SH3GLB1: variants seen among roughly 807,000 people sequenced by gnomAD.
The protein encoded by SH3GLB1 is endophilin-B1.
Under a neutral mutation model 42.0 loss-of-function variants are expected in SH3GLB1, and 17 were observed. The ratio of observed to expected loss-of-function variants is 0.40; its 90% CI spans 0.28 to 0.61. SH3GLB1 has a LOEUF of 0.61. Ranked by LOEUF, SH3GLB1 falls within the 20% of genes least tolerant of loss-of-function variation. The probability of loss-of-function intolerance (pLI) is 0.36; values close to 1 mark genes in which losing one functional copy is unlikely to be tolerated. For missense variants in SH3GLB1, 355 were observed against 426.3 expected (o/e 0.83, Z 1.47); for synonymous variants, 132 against 146.6 (o/e 0.90, Z 0.72).
chr1:86,733,416 C>T (rs1206271362), intron 5 of SH3GLB1, among the ~76,000 whole-genome samples: 2 of 152,038 alleles, frequency 1.3e-5, no homozygotes, highest in African/African-American at 2.4e-5. Flanking sequence ...AAGTTCATAC[C>T]TTGTTGGGTT....
At chr1:86,719,792 G>A (rs1393881089) in intron 3 of SH3GLB1, among the ~76,000 whole-genome samples, 157 bp downstream of exon 3, 4 of 151,890 alleles carry the variant, frequency 2.6e-5, no homozygotes, top group Non-Finnish European at 2.9e-5. Context: ...TCAGGAGATC[G>A]AGACTATCCT....
chr1:86,707,550 A>G (rs975142347), intron 1 of SH3GLB1, among the ~76,000 whole-genome samples: 2 of 152,124 alleles, frequency 1.3e-5, no homozygotes, highest in African/African-American at 4.8e-5. Context: ...TAGGAGAAAC[A>G]GACTTCTTTA....
intron 2 of SH3GLB1, among the ~76,000 whole-genome samples, chr1:86,718,233 A>T (rs1232914100): frequency 6.6e-6 from 1 of 151,366 alleles, no homozygotes. Flanking sequence ...TTTAGTAGAG[A>T]CGGGGTTTCA....
rs772065688 is a variant in SH3GLB1 at position 86,743,095 on chromosome 1, G to A, written c.991-33G>A. 81 of 1,494,806 alleles carry A rather than the reference G, an allele frequency of 5.4e-5. No individual in the cohort carries two copies. The South Asian group carries it at 9.3e-4, about 17-fold the overall frequency. The allele number at this position is 1,494,806 out of a possible 1,614,324, so 92.6% of individuals were successfully genotyped here. On this transcript the variant is annotated intron_variant, in intron 8 of 8. Coordinates refer to ENST00000370558, the MANE Select transcript of SH3GLB1 (RefSeq NM_016009.5). ...TTTTCTACTTGTTTATTTTTTTAAT[G>A]TAGTTAATAACTGGAAGTATTTTAT...
At chr1:86,718,757 G>A (rs939940175) in intron 2 of SH3GLB1, among the ~76,000 whole-genome samples, 52 of 152,100 alleles carry the variant, frequency 3.4e-4, no homozygotes, top group African/African-American at 1.2e-3. Flanking sequence ...AATATCTTTG[G>A]TCTTAAGCAT....
intron 1 of SH3GLB1, among the ~76,000 whole-genome samples, chr1:86,714,409 A>G (rs1365740574): frequency 6.6e-6 from 1 of 152,178 alleles, no homozygotes; most frequent in Non-Finnish European, 1.5e-5. Context: ...TGTAACTGCT[A>G]TTTTTGGTTC....
At chr1:86,723,786 G>A (rs1031510407) in intron 4 of SH3GLB1, among the ~76,000 whole-genome samples, 13 of 152,190 alleles carry the variant, frequency 8.5e-5, no homozygotes, top group South Asian at 8.3e-4. Context: ...GACACCAGGC[G>A]TCAAGGAACC....
chr1:86,724,884 A>ATATATATATATATATATATAT (rs1436043734), intron 5 of SH3GLB1, among the ~76,000 whole-genome samples: 3 of 104,306 alleles, frequency 2.9e-5, no homozygotes, highest in African/African-American at 1.5e-4. Flanking sequence ...TAAAAAAAAA[A>ATATATATATATATATATATAT]AAAAAAAAAT....
chr1:86,717,171 A>T (rs1330520244), intron 2 of SH3GLB1, among the ~76,000 whole-genome samples: 1 of 152,170 alleles, frequency 6.6e-6, no homozygotes, highest in Non-Finnish European at 1.5e-5. Flanking sequence ...GTGAGTCCTA[A>T]TGTCTTTGGA....
intron 1 of SH3GLB1, among the ~76,000 whole-genome samples, chr1:86,707,325 C>G (rs893999635): frequency 6.6e-6 from 1 of 152,120 alleles, no homozygotes; most frequent in African/African-American, 2.4e-5. Context: ...GGAAGAAGTA[C>G]AAAGACTGAA....
chr1:86,734,745 G>A (rs549834655), intron 6 of SH3GLB1, 54 bp downstream of exon 6: 3 of 1,349,446 alleles, frequency 2.2e-6, no homozygotes, highest in East Asian at 4.7e-5. Flanking sequence ...GTAGTCCTAA[G>A]GCAATTTTGG....
At chr1:86,735,646 G>A (rs1461205315) in intron 7 of SH3GLB1, among the ~76,000 whole-genome samples, 2 of 152,160 alleles carry the variant, frequency 1.3e-5, no homozygotes, top group Non-Finnish European at 2.9e-5. Flanking sequence ...CAAAATGACA[G>A]TATGTAAAAC....
intron 1 of SH3GLB1, among the ~76,000 whole-genome samples, chr1:86,708,321 A>G (rs147904484): frequency 6.6e-6 from 1 of 152,208 alleles, no homozygotes; most frequent in African/African-American, 2.4e-5. Flanking sequence ...CTTTATAAGC[A>G]GTAAGAACAG....
At position 86,743,491 on chromosome 1, in the gene SH3GLB1, C is replaced by G. The variant is rs1430065433; in HGVS notation, c.*256C>G. On this transcript the variant is annotated 3_prime_UTR_variant, in exon 9 of 9. Coordinates refer to ENST00000370558, the MANE Select transcript of SH3GLB1 (RefSeq NM_016009.5). Reference sequence around the variant, plus strand: ...AGGTTTCACTAATAAGCAGCTTCTACTTTTGAGCCTCAACTTAAAGCAGAA... The same window carrying G: ...AGGTTTCACTAATAAGCAGCTTCTAGTTTTGAGCCTCAACTTAAAGCAGAA... 4 of 248,484 alleles carry G rather than the reference C, an allele frequency of 1.6e-5. No individual in the cohort carries two copies. Among genetic ancestry groups the G allele is most frequent in the Non-Finnish European group, 3.1e-5 (4 of 130,500 alleles). The allele number at this position is 248,484 out of a possible 1,614,324, so 15.4% of individuals were successfully genotyped here. A position where few individuals can be genotyped will look rare whatever the true frequency, so the allele number is the denominator to read the frequency against.
chr1:86,718,850 G>A (rs1000198119), intron 2 of SH3GLB1, among the ~76,000 whole-genome samples: 1 of 151,674 alleles, frequency 6.6e-6, no homozygotes, highest in African/African-American at 2.4e-5. Context: ...TTAACCTTTC[G>A]TATTTTAAAC....
rs115559524 is a variant in SH3GLB1 at position 86,742,079 on chromosome 1, C to T, written c.762-129C>T. The T allele has an allele frequency of 1.4e-3, 873 of 638,956 alleles. 10 individuals carry two copies. Among genetic ancestry groups the T allele is most frequent in the African/African-American group, 0.013 (722 of 54,596 alleles). 39.6% of individuals were successfully genotyped at this position (638,956 alleles called of 1,614,324 possible). ...GAAGATAGATATACTTTGTCATTAA[C>T]GTATTATTAATATCTATAAATCTTT... is the stretch of plus-strand genomic sequence containing the variant. On this transcript the variant is annotated intron_variant, in intron 7 of 8. Transcript: ENST00000370558.
At chr1:86,727,809 A>G (rs1422578296) in intron 5 of SH3GLB1, among the ~76,000 whole-genome samples, 3 of 152,034 alleles carry the variant, frequency 2.0e-5, no homozygotes, top group Admixed American at 1.3e-4. Context: ...TTGATGGAAA[A>G]TATTTCTTTA....
chr1:86,733,341 C>G (rs1655608996), intron 5 of SH3GLB1, among the ~76,000 whole-genome samples: 1 of 152,136 alleles, frequency 6.6e-6, no homozygotes, highest in Admixed American at 6.5e-5. Context: ...TCCTTGTAGA[C>G]TGGTTTACTA....
chr1:86,709,402 A>G (rs1172465088), intron 1 of SH3GLB1, among the ~76,000 whole-genome samples: 1 of 152,216 alleles, frequency 6.6e-6, no homozygotes. Flanking sequence ...CCTTGAAGTT[A>G]ACTAATACCA....
Sources: allele counts gnomAD v4.1 joint callset (sites outside exome capture counted in the v4.1 genomes callset), GRCh38; gene constraint gnomAD v4.1.1; transcripts MANE v1.5; gene names NCBI Gene and HGNC (gene_info 2026-07-23, HGNC 2026-07-21).